The following DCHS2 variants were observed in gnomAD, a reference collection of about 807,000 sequenced individuals.
DCHS2 encodes the protein dachsous cadherin-related 2.
A neutral mutation model predicts 182.4 loss-of-function variants in DCHS2; 142 were observed. The ratio of observed to expected loss-of-function variants is 0.78; its 90% CI spans 0.68 to 0.89. The LOEUF (loss-of-function observed/expected upper bound fraction) is 0.89, where lower values mean the gene tolerates loss of function less well. Among genes scored for constraint, DCHS2 ranks in the 40% least tolerant of loss-of-function variants. DCHS2 has a pLI of 0.00. For synonymous variants in DCHS2, 1,740 were observed against 1,663.3 expected (o/e 1.05, Z -1.12); for missense variants, 4,319 against 4,198.6 (o/e 1.03, Z -0.79).
intron 1 of DCHS2, among the ~76,000 whole-genome samples, chr4:154,449,160 A>G (rs915479642): frequency 3.3e-5 from 5 of 152,262 alleles, no homozygotes; most frequent in African/African-American, 9.6e-5. Context: ...CTGGAGAAGA[A>G]GATGAGGTTT....
intron 1 of DCHS2, among the ~76,000 whole-genome samples, chr4:154,468,551 T>C (rs549821821): frequency 6.6e-6 from 1 of 152,306 alleles, no homozygotes; most frequent in South Asian, 2.1e-4. Flanking sequence ...TGCTCTAAAG[T>C]CATGTTTTGA....
rs937707752 is a variant in DCHS2, at chr4:154,232,459, A to G, written c.*2077T>C. 1.2e-4 allele frequency: 18 copies of G among 152,136 alleles called. No homozygotes were observed. The highest frequency in any genetic ancestry group is 4.3e-4 in the African/African-American group (18 of 41,458). The allele number at this position is 152,136 out of a possible 1,614,324, so 9.4% of individuals were successfully genotyped here. ...ATGGCTAGAAAACATACAGAATCAC[A>G]TCCATAATGAGTAAATAAATCACAG... is the stretch of plus-strand genomic sequence containing the variant. On this transcript the variant is annotated 3_prime_UTR_variant, in exon 20 of 20. Coordinates refer to ENST00000357232, the MANE Select transcript of DCHS2 (RefSeq NM_001358235.2).
At chr4:154,380,798 CA>C (rs1423816401) in intron 1 of DCHS2, among the ~76,000 whole-genome samples, 1 of 152,128 alleles carries the variant, frequency 6.6e-6, no homozygotes, top group Non-Finnish European at 1.5e-5. Context: ...GTATTCTCAA[CA>C]ACATATCCCA....
At chr4:154,303,140 C>A (rs1735286935) in intron 12 of DCHS2, among the ~76,000 whole-genome samples, 1 of 151,816 alleles carries the variant, frequency 6.6e-6, no homozygotes, top group Admixed American at 6.6e-5. Context: ...TGCCACCACA[C>A]CCAGCTAATT....
rs146133968 is a variant in DCHS2 at position 154,441,134 on chromosome 4, C to T, written c.2052+48170G>A. Among the ~76,000 whole-genome samples, 570 of 152,244 alleles carry T rather than the reference C, an allele frequency of 3.7e-3. 5 individuals are homozygous for T. The highest frequency in any genetic ancestry group is 0.013 in the African/African-American group (545 of 41,550). On this transcript the variant is annotated intron_variant, in intron 1 of 19. Transcript: ENST00000357232. ...GTTGTTAAAAGAAAGGATGCAAAGT[C>T]TTTGCTGGAATCATGTACTAAAATA...
intron 5 of DCHS2, chr4:154,331,731 C>T (rs192871909): frequency 6.2e-7 from 1 of 1,605,698 alleles, no homozygotes; most frequent in Admixed American, 1.7e-5. Flanking sequence ...AAAAAGGGAG[C>T]TTCTTCTCAT....
intron 15 of DCHS2, among the ~76,000 whole-genome samples, chr4:154,258,184 G>A (rs984126667): frequency 6.6e-6 from 1 of 152,124 alleles, no homozygotes; most frequent in Non-Finnish European, 1.5e-5. Flanking sequence ...CTGGTGACTA[G>A]AGCAATCAGG....
intron 14 of DCHS2, chr4:154,268,915 G>C (rs1360047096): frequency 6.6e-6 from 1 of 152,084 alleles, no homozygotes; most frequent in East Asian, 1.9e-4. Context: ...CGGAGGGTCT[G>C]GATAGCCTGG....
In DCHS2 at chr4:154,363,770, G is replaced by A. The variant is rs534732268; in HGVS notation, c.2476+2440C>T. 1.4e-4 allele frequency among the ~76,000 whole-genome samples: 22 copies of A among 152,152 alleles called. No homozygotes were observed. The South Asian group carries it at 4.1e-3, about 29-fold the overall frequency. On this transcript the variant is annotated intron_variant, in intron 3 of 19. Transcript: ENST00000357232. Reference sequence around the variant, plus strand: ...TTATGTTAACCAGCTTGATTTAATCGCTTCACAATATACATACATCAAAAC... The same window carrying A: ...TTATGTTAACCAGCTTGATTTAATCACTTCACAATATACATACATCAAAAC...
rs751124578 is a variant in DCHS2 at position 154,298,629 on chromosome 4, T to C, written c.5685A>G (p.Gln1895=). ...GAATGACAAGGGTAAAATTGCTGAT[T>C]TGCTCCCGGTCCAAAGCACGAGTGG... The part of the protein sequence containing the change: ...LSTTRALDRE[Q]ISNFTLVILC... Residue 1895 remains glutamine, a synonymous_variant, in exon 13 of 20, where the codon CAA becomes CAG. Coordinates refer to ENST00000357232, the MANE Select transcript of DCHS2 (RefSeq NM_001358235.2). 6.2e-7 allele frequency: 1 copy of C among 1,614,062 alleles called. No individual in the cohort carries two copies. Among genetic ancestry groups the C allele is most frequent in the African/African-American group, 1.3e-5 (1 of 75,052 alleles).
chr4:154,270,164 C>A, intron 13 of DCHS2, 151 bp from the exon 14 acceptor site: 1 of 1,003,098 alleles, frequency 1.0e-6, no homozygotes, highest in Non-Finnish European at 1.4e-6. Flanking sequence ...GAGCCAGATC[C>A]CATGCTAGGT....
chr4:154,446,708 A>G (rs1421408302), intron 1 of DCHS2, among the ~76,000 whole-genome samples: 3 of 152,146 alleles, frequency 2.0e-5, no homozygotes, highest in Non-Finnish European at 4.4e-5. Flanking sequence ...TGGGACCTAC[A>G]ATGCTGCCTC....
intron 2 of DCHS2, among the ~76,000 whole-genome samples, chr4:154,368,991 T>C (rs888748246): frequency 6.6e-6 from 1 of 152,326 alleles, no homozygotes; most frequent in Admixed American, 6.5e-5. Context: ...ACATTCTTAA[T>C]ATATATTTTT....
intron 13 of DCHS2, among the ~76,000 whole-genome samples, chr4:154,296,744 A>G (rs2111276570): frequency 6.6e-6 from 1 of 152,300 alleles, no homozygotes; most frequent in African/African-American, 2.4e-5. Flanking sequence ...ATGTATAATA[A>G]TACCAAAAAT....
chr4:154,465,938 A>G (rs1735222242), intron 1 of DCHS2, among the ~76,000 whole-genome samples: 1 of 152,220 alleles, frequency 6.6e-6, no homozygotes, highest in Admixed American at 6.5e-5. Context: ...ACAGATCCAT[A>G]AAGCTTCAGA....
At chr4:154,450,704 A>G (rs1244659358) in intron 1 of DCHS2, among the ~76,000 whole-genome samples, 3 of 152,230 alleles carry the variant, frequency 2.0e-5, no homozygotes, top group African/African-American at 7.2e-5. Flanking sequence ...ATAGTGGCAC[A>G]TGCCTGTAAT....
chr4:154,417,157 G>A (rs527977539), intron 1 of DCHS2, among the ~76,000 whole-genome samples: 1 of 116,490 alleles, frequency 8.6e-6, no homozygotes, highest in Non-Finnish European at 1.9e-5. Context: ...GGCCGGTCCC[G>A]AGTGTGTGTG....
At chr4:154,415,439 T>C (rs928842886) in intron 1 of DCHS2, among the ~76,000 whole-genome samples, 1 of 152,230 alleles carries the variant, frequency 6.6e-6, no homozygotes, top group African/African-American at 2.4e-5. Flanking sequence ...ATTTCCTGCC[T>C]CTGGGGGTGC....
chr4:154,378,970 G>A (rs1487261088), intron 1 of DCHS2, among the ~76,000 whole-genome samples: 2 of 152,110 alleles, frequency 1.3e-5, no homozygotes, highest in South Asian at 4.1e-4. Flanking sequence ...ATGAAGAAAG[G>A]CAACTAGTAG....
Sources: gnomAD v4.1 joint callset for allele counts (sites outside exome capture counted in the v4.1 genomes callset) on GRCh38, gnomAD v4.1.1 for gene constraint, MANE v1.5 for transcripts, NCBI Gene and HGNC (gene_info 2026-07-23, HGNC 2026-07-21) for gene names.